The following EHBP1 variants were observed in gnomAD, a reference collection of about 807,000 sequenced individuals.
EHBP1 encodes EH domain-binding protein 1.
Under a neutral mutation model 144.0 loss-of-function variants are expected in EHBP1, and 55 were observed. The observed-to-expected ratio is 0.38, with a 90% CI of 0.31 to 0.48. The LOEUF is 0.48. EHBP1 is among the 20% of genes least tolerant of loss of function. The probability of loss-of-function intolerance (pLI) is 0.98; values close to 1 mark genes in which losing one functional copy is unlikely to be tolerated. For missense variants in EHBP1, 1,200 were observed against 1,364.2 expected, an observed-to-expected ratio of 0.88 and a Z score of 1.90; for synonymous variants, 469 against 472.7, an observed-to-expected ratio of 0.99 and a Z score of 0.10.
At position 63,045,274 on chromosome 2, in the gene EHBP1, G is replaced by A. The variant is rs574705523; in HGVS notation, c.3392+94G>A. On this transcript the variant is annotated intron_variant, in intron 22 of 22. Coordinates refer to ENST00000431489, the MANE Select transcript of EHBP1 (RefSeq NM_001142616.3). The surrounding 1 kb of genome is among the most constrained non-coding windows in gnomAD (Gnocchi z 5.7). ...TCAATCCAGAGGTCGCGGGAGGGCC[G>A]GGGCAGCCTCCCACTGGCCTGGTGC... The A allele has an allele frequency of 1.1e-5, 15 of 1,386,510 alleles. No homozygotes were observed. Among genetic ancestry groups the A allele is most frequent in the African/African-American group, 8.6e-5 (6 of 69,960 alleles). 85.9% of individuals were successfully genotyped at this position (1,386,510 alleles called of 1,614,324 possible).
At chr2:62,898,674 G>A (rs774321642) in intron 10 of EHBP1, among the ~76,000 whole-genome samples, 5 of 151,984 alleles carry the variant, frequency 3.3e-5, no homozygotes, top group Non-Finnish European at 5.9e-5. Flanking sequence ...CCTAGCATTG[G>A]TGCTTAGTAT....
chr2:62,794,027 C>T (rs185342827), intron 5 of EHBP1, among the ~76,000 whole-genome samples: 1 of 152,188 alleles, frequency 6.6e-6, no homozygotes, highest in Admixed American at 6.5e-5. Context: ...AATTTCCATC[C>T]TTTGTTTAAC....
intron 5 of EHBP1, among the ~76,000 whole-genome samples, chr2:62,794,954 CT>C (rs1207553727): frequency 2.6e-5 from 4 of 151,862 alleles, no homozygotes; most frequent in Admixed American, 1.3e-4. Context: ...GAAATATTTC[CT>C]TAACACTAAC....
At chr2:62,901,400 G>A (rs1386622244) in intron 10 of EHBP1, among the ~76,000 whole-genome samples, 1 of 152,144 alleles carries the variant, frequency 6.6e-6, no homozygotes, top group African/African-American at 2.4e-5. Flanking sequence ...GTAGTTCAGT[G>A]TCTGTTCAAA....
chr2:62,867,717 A>G (rs1183428594), intron 9 of EHBP1, among the ~76,000 whole-genome samples: 1 of 152,202 alleles, frequency 6.6e-6, no homozygotes, highest in Non-Finnish European at 1.5e-5. Context: ...TGTTTATAAA[A>G]TGTATGTGGA....
intron 5 of EHBP1, among the ~76,000 whole-genome samples, chr2:62,811,801 G>A (rs1003922123): frequency 7.2e-5 from 11 of 152,278 alleles, no homozygotes; most frequent in African/African-American, 2.4e-4. Context: ...AAAAATAATT[G>A]GGTGTGTGAA....
intron 19 of EHBP1, among the ~76,000 whole-genome samples, chr2:63,031,970 A>C (rs2061267836): frequency 6.6e-6 from 1 of 152,060 alleles, no homozygotes; most frequent in Non-Finnish European, 1.5e-5. Flanking sequence ...GCTATAAGTA[A>C]ATATAAATAA....
At chr2:63,041,771 G>A (rs2061668527) in intron 21 of EHBP1, among the ~76,000 whole-genome samples, 1 of 152,132 alleles carries the variant, frequency 6.6e-6, no homozygotes, top group African/African-American at 2.4e-5. Flanking sequence ...GATAAGACTT[G>A]ACTGCAATCC....
At chr2:62,970,401 G>GT (rs913433346) in intron 14 of EHBP1, among the ~76,000 whole-genome samples, 35 of 151,862 alleles carry the variant, frequency 2.3e-4, no homozygotes, top group African/African-American at 3.6e-4. Context: ...TGAAATGTGG[G>GT]TTTTTTTTGG....
At chr2:62,782,179 A>T (rs1186315033) in intron 5 of EHBP1, among the ~76,000 whole-genome samples, 2 of 152,366 alleles carry the variant, frequency 1.3e-5, no homozygotes, top group East Asian at 3.9e-4. Flanking sequence ...TATGGAGGAT[A>T]CAAGAGAACA....
At chr2:62,905,222 A>G (rs568038352) in intron 10 of EHBP1, among the ~76,000 whole-genome samples, 9 of 152,308 alleles carry the variant, frequency 5.9e-5, no homozygotes, top group African/African-American at 1.7e-4. Context: ...TGGAAGTAAC[A>G]TTTATGCTGA....
chr2:62,860,346 CTG>C (rs2049404996), intron 8 of EHBP1, among the ~76,000 whole-genome samples: 1 of 152,100 alleles, frequency 6.6e-6, no homozygotes, highest in Admixed American at 6.5e-5. Flanking sequence ...AAAAAGTTAG[CTG>C]AGCATGGTGG....
rs540008795 is a variant in EHBP1, at chr2:62,766,297, C to T, written c.258+1936C>T. Among the ~76,000 whole-genome samples the T allele has an allele frequency of 4.6e-5, 7 of 152,082 alleles. No homozygotes were observed. In the South Asian group the frequency reaches 8.3e-4, roughly 18 times the overall value. ...AAGATTGAATGGAGATCAGAGAGAC[C>T]GAGAGAATGCTGCAGTCACGTTCAT... On this transcript the variant is annotated intron_variant, in intron 4 of 22. Coordinates refer to ENST00000431489, the MANE Select transcript of EHBP1 (RefSeq NM_001142616.3).
intron 1 of EHBP1, among the ~76,000 whole-genome samples, chr2:62,674,775 G>C (rs1236231319): frequency 6.6e-6 from 1 of 152,194 alleles, no homozygotes; most frequent in Non-Finnish European, 1.5e-5. Flanking sequence ...AAGGGCTGGA[G>C]TATATGAGTC....
At chr2:62,880,983 A>G (rs2051357471) in intron 10 of EHBP1, among the ~76,000 whole-genome samples, 1 of 152,042 alleles carries the variant, frequency 6.6e-6, no homozygotes, top group Non-Finnish European at 1.5e-5. Context: ...CACTTGATCA[A>G]CCTACATTGC....
chr2:62,844,238 G>T (rs1268851903), intron 7 of EHBP1, among the ~76,000 whole-genome samples: 1 of 152,156 alleles, frequency 6.6e-6, no homozygotes, highest in Non-Finnish European at 1.5e-5. Context: ...GGAGGTGAAA[G>T]TAAATCCATG....
intron 19 of EHBP1, among the ~76,000 whole-genome samples, chr2:63,019,141 A>G (rs2060597542): frequency 6.6e-6 from 1 of 152,208 alleles, no homozygotes; most frequent in Non-Finnish European, 1.5e-5. Context: ...AATTTGTTAA[A>G]AACATAGATT....
At chr2:62,838,355 A>G (rs1270024185) in intron 7 of EHBP1, among the ~76,000 whole-genome samples, 2 of 152,132 alleles carry the variant, frequency 1.3e-5, no homozygotes, top group Non-Finnish European at 2.9e-5. Context: ...GTAGAGGGAA[A>G]TTTATAGCAC....
intron 3 of EHBP1, among the ~76,000 whole-genome samples, chr2:62,751,640 T>G (rs1319848270): frequency 6.6e-6 from 1 of 152,196 alleles, no homozygotes; most frequent in African/African-American, 2.4e-5. Flanking sequence ...GGTAAGCTAT[T>G]AATTATTGCC....
Sources: gnomAD v4.1 joint callset for allele counts (sites outside exome capture counted in the v4.1 genomes callset) on GRCh38, gnomAD v4.1.1 for gene constraint, Gnocchi (gnomAD v3.1) non-coding constraint, MANE v1.5 for transcripts, NCBI Gene and HGNC (gene_info 2026-07-23, HGNC 2026-07-21) for gene names.